The following TNRC6A variants were observed in gnomAD, a reference collection of about 807,000 sequenced individuals.
TNRC6A encodes trinucleotide repeat-containing gene 6A protein.
Under a neutral mutation model 221.2 loss-of-function variants are expected in TNRC6A, and 44 were observed. That is an observed-to-expected ratio of 0.20 (90% CI 0.16 to 0.26). The LOEUF is 0.26. Ranked by LOEUF, TNRC6A falls within the 10% of genes least tolerant of loss-of-function variation. TNRC6A has a pLI of 1.00. For missense variants in TNRC6A, 2,199 were observed against 2,404.4 expected (o/e 0.91, Z 1.79); for synonymous variants, 847 against 838.5 (o/e 1.01, Z -0.18).
rs561860380 is a variant in TNRC6A, at chr16:24,693,862, C to T, written n.402+52853C>T. 9.2e-5 allele frequency among the ~76,000 whole-genome samples: 14 copies of T among 151,842 alleles called. No homozygotes were observed. In the East Asian group the frequency reaches 2.7e-3, roughly 30 times the overall value. ...CTGCAGTGAGCCAAGACCGCCACTGCACTCCAGCATGGGTGACAGAGTGGG... is the reference window on the plus strand; with the variant it reads ...CTGCAGTGAGCCAAGACCGCCACTGTACTCCAGCATGGGTGACAGAGTGGG... On this transcript the variant is annotated intron_variant and non_coding_transcript_variant, in intron 2 of 2. Coordinates refer to the TNRC6A transcript ENST00000566108.
At position 24,777,254 on chromosome 16, in the gene TNRC6A, T is replaced by G. The variant is rs774034216; in HGVS notation, c.485T>G (p.Leu162Arg). The G allele has an allele frequency of 6.2e-7, 1 of 1,614,062 alleles. No homozygotes were observed. Among genetic ancestry groups the G allele is most frequent in the African/African-American group, 1.3e-5 (1 of 74,904 alleles). Residue 162 changes from leucine to arginine, a missense_variant, in exon 5 of 25, where the codon CTT becomes CGT. Coordinates refer to ENST00000395799, the MANE Select transcript of TNRC6A (RefSeq NM_014494.4). ...GQHFPVIAAN[L>R]GSAVKVLNSQ... ...CATTTTCCTGTTATAGCAGCAAACC[T>G]TGGATCTGCTGTTAAGGTGTTAAAC...
rs767538102 is a variant in TNRC6A, at chr16:24,823,684, G to A, written c.5766G>A (p.Pro1922=). ...ACGGCACTTCACTCTGGGGGACCCC[G>A]CATTATTCCACAAGCCTGTGGGGTC... ...DLHGTSLWGT[P]HYSTSLWGPP... Residue 1922 remains proline (P), a synonymous_variant, in exon 25 of 25, where the codon CCG becomes CCA. Transcript: ENST00000395799. The surrounding 1 kb of genome is among the most constrained non-coding windows in gnomAD (Gnocchi z 4.3). 6.8e-6 allele frequency: 11 copies of A among 1,608,018 alleles called. No individual in the cohort carries two copies. Among genetic ancestry groups the A allele is most frequent in the Middle Eastern group, 1.6e-4 (1 of 6,064 alleles).
chr16:24,626,840 A>AG (rs756059999), intron 1 of TNRC6A, among the ~76,000 whole-genome samples: 25 of 151,122 alleles, frequency 1.7e-4, no homozygotes, highest in Non-Finnish European at 3.0e-4. Context: ...TTTAGTAGAG[A>AG]GGGGGGTTTC....
intron 4 of TNRC6A, chr16:24,776,633 CGAT>C: frequency 1.0e-6 from 1 of 985,320 alleles, no homozygotes; most frequent in African/African-American, 1.7e-5. Context: ...TGTAATGATC[CGAT>C]GATGATGTCT....
chr16:24,662,316 C>A (rs2055051752), intron 2 of TNRC6A: 1 of 151,476 alleles, frequency 6.6e-6, no homozygotes, highest in South Asian at 2.1e-4. Flanking sequence ...CTCCCCGTCT[C>A]TATAAAAAGT....
At chr16:24,807,796 TTC>T (rs2058465776) in intron 17 of TNRC6A, among the ~76,000 whole-genome samples, 1 of 152,340 alleles carries the variant, frequency 6.6e-6, no homozygotes, top group African/African-American at 2.4e-5. Context: ...TTTGCTTTTT[TTC>T]TCTCTCTTTT....
chr16:24,622,789 A>C (rs1289667535), intron 1 of TNRC6A, among the ~76,000 whole-genome samples: 1 of 152,196 alleles, frequency 6.6e-6, no homozygotes, highest in Non-Finnish European at 1.5e-5. Context: ...TGGCAATAAC[A>C]GTTCTATTAT....
intron 1 of TNRC6A, among the ~76,000 whole-genome samples, chr16:24,617,379 T>TC (rs1412313543): frequency 6.6e-6 from 1 of 152,040 alleles, no homozygotes; most frequent in African/African-American, 2.4e-5. Flanking sequence ...CACCTCAACC[T>TC]CCCAAAGTGC....
intron 1 of TNRC6A, among the ~76,000 whole-genome samples, chr16:24,626,649 CTTTTTTT>C (rs5816260): frequency 7.9e-6 from 1 of 126,938 alleles, no homozygotes; most frequent in Admixed American, 8.4e-5. Flanking sequence ...GATACTATTT[CTTTTTTT>C]TTTTTTTTTT....
chr16:24,755,936 A>C (rs551808560), intron 3 of TNRC6A, among the ~76,000 whole-genome samples: 1 of 152,322 alleles, frequency 6.6e-6, no homozygotes, highest in East Asian at 1.9e-4. Context: ...TTTTCAAAAA[A>C]AATCTTTCAC....
Position 24,701,939 on chromosome 16 carries a change from C to T in TNRC6A, n.403-48787C>T, listed in dbSNP as rs143476234. Among the ~76,000 whole-genome samples the T allele has an allele frequency of 2.5e-3, 380 of 152,058 alleles. 1 individual carries two copies. Among genetic ancestry groups the T allele is most frequent in the Non-Finnish European group, 4.4e-3 (296 of 67,992 alleles). ...TTGTTCCTATTTCTTCCACATCTCA[C>T]ACTCCTATAAAGAAGCCTAAGTCTT... is the stretch of plus-strand genomic sequence containing the variant. On this transcript the variant is annotated intron_variant and non_coding_transcript_variant, in intron 2 of 2. Coordinates refer to the TNRC6A transcript ENST00000566108.
At chr16:24,659,276 A>G (rs1013295459) in intron 2 of TNRC6A, among the ~76,000 whole-genome samples, 1 of 152,096 alleles carries the variant, frequency 6.6e-6, no homozygotes, top group African/African-American at 2.4e-5. Flanking sequence ...GTTCTACTTA[A>G]CAATCCAGTT....
intron 2 of TNRC6A, among the ~76,000 whole-genome samples, chr16:24,700,165 C>T (rs187304387): frequency 1.5e-3 from 228 of 152,090 alleles, no homozygotes; most frequent in African/African-American, 5.2e-3. Flanking sequence ...GAAACTGAGA[C>T]GGGAGGATCA....
intron 2 of TNRC6A, among the ~76,000 whole-genome samples, chr16:24,671,305 CT>C (rs2055296294): frequency 6.6e-6 from 1 of 152,152 alleles, no homozygotes; most frequent in African/African-American, 2.4e-5. Flanking sequence ...AGTTTCATCG[CT>C]TAAGGTCTCC....
chr16:24,696,359 AAAAAAAAAG>A (rs1484663833), intron 2 of TNRC6A, among the ~76,000 whole-genome samples: 5 of 151,518 alleles, frequency 3.3e-5, no homozygotes, highest in African/African-American at 1.2e-4. Flanking sequence ...AAAAAAAAAA[AAAAAAAAAG>A]AAAGTATGAG....
At chr16:24,645,888 G>A (rs183396165) in intron 2 of TNRC6A, among the ~76,000 whole-genome samples, 26 of 137,154 alleles carry the variant, frequency 1.9e-4, no homozygotes, top group East Asian at 4.3e-4. Context: ...ATGATGGTGC[G>A]TGCATCTGTA....
chr16:24,771,736 T>A (rs1206308027), intron 4 of TNRC6A, among the ~76,000 whole-genome samples: 1 of 152,054 alleles, frequency 6.6e-6, no homozygotes, highest in Non-Finnish European at 1.5e-5. Context: ...CCTGGCTTTT[T>A]TGTTTTTGTA....
intron 2 of TNRC6A, among the ~76,000 whole-genome samples, chr16:24,667,701 A>G (rs1033262814): frequency 5.3e-5 from 8 of 152,208 alleles, no homozygotes; most frequent in African/African-American, 1.9e-4. Flanking sequence ...TTAGTGCACT[A>G]CTAATGATAG....
chr16:24,733,337 A>G (rs2056687921), intron 2 of TNRC6A, among the ~76,000 whole-genome samples: 2 of 152,232 alleles, frequency 1.3e-5, no homozygotes, highest in South Asian at 2.1e-4. Flanking sequence ...CTAAGCTGCA[A>G]ATCCTCAAGA....
Sources: gnomAD v4.1 joint callset for allele counts (sites outside exome capture counted in the v4.1 genomes callset) on GRCh38, gnomAD v4.1.1 for gene constraint, Gnocchi (gnomAD v3.1) non-coding constraint, MANE v1.5 for transcripts, NCBI Gene and HGNC (gene_info 2026-07-23, HGNC 2026-07-21) for gene names.